GJE1: variants seen among roughly 807,000 people sequenced by gnomAD.
The protein encoded by GJE1 is gap junction protein epsilon 1, also known as gap junction epsilon-1 protein.
In GJE1, 9 loss-of-function variants were observed where a neutral mutation model predicts 6.2. That is an observed-to-expected ratio of 1.45 (90% CI 0.87 to 2.52). The LOEUF (loss-of-function observed/expected upper bound fraction) is 2.52. Among genes scored for constraint, GJE1 ranks in the 30% most tolerant of loss-of-function variants. GJE1 has a pLI of 0.00. For missense variants in GJE1, 190 were observed against 87.7 expected (o/e 2.17, Z -4.66); for synonymous variants, 65 against 30.1 (o/e 2.16, Z -3.80).
At chr6:142,133,339 G>T in intron 1 of GJE1, 142 bp downstream of exon 1, 1 of 409,038 alleles carries the variant, frequency 2.4e-6, no homozygotes, top group Non-Finnish European at 4.3e-6. Context: ...AAAATATTCT[G>T]AATTTAAAAC....
At chr6:142,134,689 A>G (rs753262591) in exon 3 of GJE1, 14 of 695,984 alleles carry the variant, frequency 2.0e-5, no homozygotes, top group South Asian at 2.0e-4. Flanking sequence ...TCTAGCGGCA[A>G]TAGCATTCTG....
At chr6:142,134,389 T>A in intron 2 of GJE1, 150 bp from the exon 3 acceptor site, 1 of 444,446 alleles carries the variant, frequency 2.2e-6, no homozygotes, top group Non-Finnish European at 3.9e-6. Context: ...ACTACCTTCA[T>A]TATATTAAGA....
At chr6:142,134,659 T>A (rs1350516199) in exon 3 of GJE1, 1 of 695,838 alleles carries the variant, frequency 1.4e-6, no homozygotes, top group Non-Finnish European at 2.6e-6. Flanking sequence ...TTATATACTC[T>A]CTGTTTTATT....
At chr6:142,133,790 T>G (rs1002771915) in intron 1 of GJE1, 60 bp from the exon 2 acceptor site, 2 of 550,670 alleles carry the variant, frequency 3.6e-6, no homozygotes, top group Non-Finnish European at 3.3e-6. Context: ...AGGATTTTTT[T>G]AAATGTCCTC....
rs373756761 is a variant in GJE1 at position 142,133,387 on chromosome 6, G to A, written c.39+190G>A. On this transcript the variant is annotated intron_variant, in intron 1 of 2. Transcript: ENST00000450456. ...AATTCAGGAAGTGTCTTTAGATGTTGGTGTTTTAGTGTGGCTCACTCTCTC... is the reference window on the plus strand; with the variant it reads ...AATTCAGGAAGTGTCTTTAGATGTTAGTGTTTTAGTGTGGCTCACTCTCTC... 1.6e-4 allele frequency among the ~76,000 whole-genome samples: 24 copies of A among 152,166 alleles called. No individual in the cohort carries two copies. In the South Asian group the frequency reaches 5.0e-3, roughly 32 times the overall value.
At chr6:142,134,487 T>C (rs1778209661) in intron 2 of GJE1, 52 bp from the exon 3 acceptor site, 1 of 477,802 alleles carries the variant, frequency 2.1e-6, no homozygotes, top group African/African-American at 2.0e-5. Context: ...TTTAGTTACA[T>C]ATTGATTAAT....
At chr6:142,134,275 T>C (rs1395845557) in intron 2 of GJE1, among the ~76,000 whole-genome samples, 2 of 152,170 alleles carry the variant, frequency 1.3e-5, no homozygotes, top group Non-Finnish European at 2.9e-5. Context: ...ATTTGGGATA[T>C]AGACTAGCTG....
At chr6:142,134,464 T>G (rs778965638) in intron 2 of GJE1, 75 bp from the exon 3 acceptor site, 14 of 458,846 alleles carry the variant, frequency 3.1e-5, no homozygotes, top group Admixed American at 1.5e-4. Context: ...TTAGTGGGGT[T>G]TTTTTAGTGT....
chr6:142,134,743 CT>C lies in GJE1; in HGVS notation c.440del (p.Leu147ArgfsTer11). 1 of 689,306 alleles carries C rather than the reference CT, an allele frequency of 1.5e-6. No homozygotes were observed. Among genetic ancestry groups the C allele is most frequent in the Non-Finnish European group, 2.6e-6 (1 of 380,664 alleles). The allele number at this position is 689,306 out of a possible 1,614,324, so 42.7% of individuals were successfully genotyped here. A position where few individuals can be genotyped will look rare whatever the true frequency, so the allele number is the denominator to read the frequency against. The stretch of plus-strand genomic sequence containing the variant: ...TGGTTTCCAAGTAAAATCTCTTTAC[CT>C]GTGTGATGCTAGATCTCTTGGGGAA... On this transcript the variant is annotated frameshift_variant, in exon 3 of 3. Transcript: ENST00000450456. LOFTEE classifies it high-confidence loss of function.
exon 3 of GJE1, chr6:142,134,757 A>G (rs1778217930): frequency 1.4e-6 from 1 of 691,348 alleles, no homozygotes; most frequent in Non-Finnish European, 2.6e-6. Context: ...GTGATGCTAG[A>G]TCTCTTGGGG....
exon 3 of GJE1, chr6:142,134,598 T>G: frequency 1.5e-6 from 1 of 664,516 alleles, no homozygotes. Context: ...ATGCTGCATG[T>G]AAAAGCATCA....
chr6:142,134,714 T>A, exon 3 of GJE1: 1 of 690,394 alleles, frequency 1.4e-6, no homozygotes, highest in Non-Finnish European at 2.6e-6. Flanking sequence ...CAGATTTACC[T>A]CTTTGGTTTC....
chr6:142,134,329 C>T (rs192818568), intron 2 of GJE1, among the ~76,000 whole-genome samples: 1 of 152,186 alleles, frequency 6.6e-6, no homozygotes, highest in East Asian at 1.9e-4. Flanking sequence ...CATTGAGAGG[C>T]AATTACAGTA....
upstream of GJE1, chr6:142,132,965 G>C (rs2114608312): frequency 2.5e-6 from 1 of 405,880 alleles, no homozygotes; most frequent in Middle Eastern, 5.4e-4. Context: ...TTTGTTTTGG[G>C]ACAGAGATAG....
At chr6:142,134,275 T>G (rs1395845557) in intron 2 of GJE1, among the ~76,000 whole-genome samples, 3 of 152,170 alleles carry the variant, frequency 2.0e-5, no homozygotes, top group Non-Finnish European at 4.4e-5. Flanking sequence ...ATTTGGGATA[T>G]AGACTAGCTG....
chr6:142,134,000 T>A, exon 2 of GJE1: 1 of 702,424 alleles, frequency 1.4e-6, no homozygotes, highest in Non-Finnish European at 2.6e-6. Flanking sequence ...AAACCTCTTC[T>A]GTTACAATCA....
exon 2 of GJE1, chr6:142,133,982 A>G (rs781765976): frequency 3.1e-5 from 22 of 702,432 alleles, no homozygotes; most frequent in Non-Finnish European, 5.7e-5. Flanking sequence ...TCCAGACAAA[A>G]GAGAAGTAAA....
In GJE1 at chr6:142,133,836, TA is replaced by T; in HGVS notation, c.40-10del. The T allele has an allele frequency of 1.6e-6, 1 of 644,948 alleles. No individual in the cohort carries two copies. Among genetic ancestry groups the T allele is most frequent in the South Asian group, 1.7e-5 (1 of 58,784 alleles). The allele number at this position is 644,948 out of a possible 1,614,324, so 40.0% of individuals were successfully genotyped here. A position where few individuals can be genotyped will look rare whatever the true frequency, so the allele number is the denominator to read the frequency against. On this transcript the variant is annotated splice_polypyrimidine_tract_variant and intron_variant, in intron 1 of 2. Transcript: ENST00000450456. ...TGTGTTTAAAAGATTTTTTTTCTCC[TA>T]AAACCATAACAGGTTAAACCTCCAA...
At chr6:142,133,886 C>A (rs974957135) in exon 2 of GJE1, 6 of 701,548 alleles carry the variant, frequency 8.6e-6, no homozygotes, top group Admixed American at 8.0e-5. Context: ...ATTCCACACC[C>A]TTTTCTTTGG....
Sources: allele counts gnomAD v4.1 joint callset (sites outside exome capture counted in the v4.1 genomes callset), GRCh38; gene constraint gnomAD v4.1.1; transcripts MANE v1.5; gene names NCBI Gene and HGNC (gene_info 2026-07-23, HGNC 2026-07-21).